The following LRMDA variants were observed in gnomAD, a reference collection of about 807,000 sequenced individuals.
The protein encoded by LRMDA is leucine-rich melanocyte differentiation-associated protein.
LRMDA carries 18 observed loss-of-function variants against 29.8 expected under a neutral mutation model. The observed-to-expected ratio is 0.60, with a 90% CI of 0.42 to 0.90. The LOEUF (loss-of-function observed/expected upper bound fraction) is 0.90. LRMDA is among the 40% of genes least tolerant of loss of function. The pLI, the probability that LRMDA is intolerant of heterozygous loss-of-function variation, is 0.00. For synonymous variants in LRMDA, 125 were observed against 109.4 expected, an observed-to-expected ratio of 1.14 and a Z score of -0.89; for missense variants, 273 against 273.9, an observed-to-expected ratio of 1.00 and a Z score of 0.02.
At chr10:76,539,984 TCACACA>T (rs35952483) in intron 6 of LRMDA, among the ~76,000 whole-genome samples, 19 of 150,216 alleles carry the variant, frequency 1.3e-4, no homozygotes, top group Non-Finnish European at 2.1e-4. Flanking sequence ...ATCAACATGT[TCACACA>T]CACACACACA....
chr10:75,568,143 G>A (rs1012554124), intron 2 of LRMDA, among the ~76,000 whole-genome samples: 3 of 152,212 alleles, frequency 2.0e-5, no homozygotes, highest in African/African-American at 7.2e-5. Flanking sequence ...AGAGCTTACT[G>A]GGTAGCTTTT....
At chr10:76,516,595 T>G (rs1843064030) in intron 6 of LRMDA, among the ~76,000 whole-genome samples, 2 of 150,772 alleles carry the variant, frequency 1.3e-5, no homozygotes, top group Non-Finnish European at 3.0e-5. Context: ...ACATGCAGTG[T>G]TTTTTTTTGT....
At chr10:76,145,394 C>G (rs1190859065) in intron 5 of LRMDA, among the ~76,000 whole-genome samples, 1 of 151,340 alleles carries the variant, frequency 6.6e-6, no homozygotes, top group Non-Finnish European at 1.5e-5. Context: ...TTAAGAGATT[C>G]AACTTCTTTC....
intron 6 of LRMDA, among the ~76,000 whole-genome samples, chr10:76,360,569 G>A (rs772283827): frequency 1.3e-5 from 2 of 152,168 alleles, no homozygotes; most frequent in Non-Finnish European, 2.9e-5. Flanking sequence ...CTTCTGTGTA[G>A]TACTATATAG....
intron 2 of LRMDA, among the ~76,000 whole-genome samples, chr10:75,923,328 C>T (rs2132391422): frequency 6.6e-6 from 1 of 152,296 alleles, no homozygotes; most frequent in Non-Finnish European, 1.5e-5. Context: ...TCAATGAAGT[C>T]AATGGTTCAG....
At position 76,506,700 on chromosome 10, in the gene LRMDA, C is replaced by T. The variant is rs944023810; in HGVS notation, c.602-50509C>T. ...CCATGGCATAAGTATTTTTTAGTTC[C>T]CACATATGAATTATAACATACAATA... On this transcript the variant is annotated intron_variant, in intron 6 of 6. Coordinates refer to ENST00000611255, the MANE Select transcript of LRMDA (RefSeq NM_001305581.2). Among the ~76,000 whole-genome samples the T allele has an allele frequency of 2.6e-5, 4 of 151,764 alleles. No individual in the cohort carries two copies. The South Asian group carries it at 8.3e-4, about 31-fold the overall frequency.
intron 2 of LRMDA, among the ~76,000 whole-genome samples, chr10:75,652,349 G>A (rs906755640): frequency 3.3e-5 from 5 of 152,250 alleles, no homozygotes; most frequent in Admixed American, 2.6e-4. Context: ...ATGGGGATGT[G>A]TAGCCATTGT....
chr10:76,363,176 A>AGAGGGAGGGAGGGAG (rs1459442138), intron 6 of LRMDA, among the ~76,000 whole-genome samples: 4 of 21,794 alleles, frequency 1.8e-4, no homozygotes, highest in African/African-American at 5.8e-4. Context: ...AAAGAAAGAA[A>AGAGGGAGGGAGGGAG]GGAGGGAGGG....
In LRMDA at chr10:76,397,181, T is replaced by A. The variant is rs562709340; in HGVS notation, c.601+72696T>A. On this transcript the variant is annotated intron_variant, in intron 6 of 6. Coordinates refer to ENST00000611255, the MANE Select transcript of LRMDA (RefSeq NM_001305581.2). ...GTTAGCAGAAAGTGACCCCAGCAGC[T>A]GTGGAGGGAATCGGTCAAGCCATTG... Among the ~76,000 whole-genome samples the A allele has an allele frequency of 8.5e-5, 13 of 152,256 alleles. No individual in the cohort carries two copies. In the South Asian group the frequency reaches 2.3e-3, roughly 27 times the overall value.
intron 2 of LRMDA, among the ~76,000 whole-genome samples, chr10:75,853,564 G>A (rs558612330): frequency 3.3e-5 from 5 of 152,178 alleles, no homozygotes; most frequent in African/African-American, 1.2e-4. Context: ...TGGTGTTGGG[G>A]TTAGTTGCTG....
chr10:75,954,288 G>A (rs970048384), intron 2 of LRMDA, among the ~76,000 whole-genome samples: 9 of 152,184 alleles, frequency 5.9e-5, no homozygotes, highest in African/African-American at 2.2e-4. Context: ...TGGAGCAGTT[G>A]TGTGCAGTCC....
intron 2 of LRMDA, among the ~76,000 whole-genome samples, chr10:75,936,944 C>A (rs1014310387): frequency 6.6e-6 from 1 of 152,176 alleles, no homozygotes; most frequent in Non-Finnish European, 1.5e-5. Context: ...ACTGTCTTCT[C>A]ATCTTTATTT....
chr10:75,900,939 A>G (rs1845659815), intron 2 of LRMDA, among the ~76,000 whole-genome samples: 1 of 152,218 alleles, frequency 6.6e-6, no homozygotes, highest in African/African-American at 2.4e-5. Flanking sequence ...AGATTTCTTC[A>G]TACTTGATGC....
At chr10:75,613,522 G>A (rs1841060931) in intron 2 of LRMDA, among the ~76,000 whole-genome samples, 1 of 152,144 alleles carries the variant, frequency 6.6e-6, no homozygotes, top group South Asian at 2.1e-4. Flanking sequence ...CCCTACCCCT[G>A]GGGCAGCTGT....
intron 5 of LRMDA, among the ~76,000 whole-genome samples, chr10:76,072,838 G>C (rs1164315142): frequency 6.6e-6 from 1 of 152,210 alleles, no homozygotes; most frequent in Non-Finnish European, 1.5e-5. Flanking sequence ...ACAGCCTAAG[G>C]TCTTTGAGTA....
At chr10:76,438,507 C>A (rs2132289345) in intron 6 of LRMDA, 1 of 152,246 alleles carries the variant, frequency 6.6e-6, no homozygotes, top group African/African-American at 2.4e-5. Flanking sequence ...TAGACAAGCT[C>A]TTATTACAGC....
intron 2 of LRMDA, among the ~76,000 whole-genome samples, chr10:76,007,048 ATATT>A (rs1847684214): frequency 7.9e-6 from 1 of 125,900 alleles, no homozygotes; most frequent in Non-Finnish European, 1.6e-5. Context: ...GTGTGTTTAT[ATATT>A]TATTTTCCGT....
intron 2 of LRMDA, among the ~76,000 whole-genome samples, chr10:75,786,074 T>C (rs147792122): frequency 6.6e-6 from 1 of 152,360 alleles, no homozygotes; most frequent in African/African-American, 2.4e-5. Flanking sequence ...TCAATTTCAC[T>C]GCATGCGATA....
chr10:76,252,818 T>C (rs1301786524), intron 5 of LRMDA, among the ~76,000 whole-genome samples: 1 of 152,218 alleles, frequency 6.6e-6, no homozygotes, highest in Non-Finnish European at 1.5e-5. Context: ...ATAAAATCAG[T>C]GGCTTTAGAA....
Sources: gnomAD v4.1 joint callset for allele counts (sites outside exome capture counted in the v4.1 genomes callset) on GRCh38, gnomAD v4.1.1 for gene constraint, MANE v1.5 for transcripts, NCBI Gene and HGNC (gene_info 2026-07-23, HGNC 2026-07-21) for gene names.